MAD1L1: variants seen among roughly 807,000 people sequenced by gnomAD.
MAD1L1 encodes mitotic spindle assembly checkpoint protein MAD1.
MAD1L1 carries 95 observed loss-of-function variants against 96.9 expected under a neutral mutation model. That is an observed-to-expected ratio of 0.98 (90% confidence interval 0.83 to 1.16). The LOEUF (loss-of-function observed/expected upper bound fraction) is 1.16, where lower values mean the gene tolerates loss of function less well. MAD1L1 is among the 50% of genes most tolerant of loss of function. The probability of loss-of-function intolerance (pLI) is 0.00; values close to 1 mark genes in which losing one functional copy is unlikely to be tolerated. For synonymous variants in MAD1L1, 473 were observed against 396.6 expected, an observed-to-expected ratio of 1.19 and a Z score of -2.29; for missense variants, 1,007 against 954.4, an observed-to-expected ratio of 1.06 and a Z score of -0.73.
intron 17 of MAD1L1, 49 bp from the exon 18 acceptor site, chr7:1,898,439 G>C: frequency 4.5e-6 from 7 of 1,566,580 alleles, no homozygotes; most frequent in Non-Finnish European, 6.1e-6. Flanking sequence ...AGGCCGGAGG[G>C]GTGGGGACCC....
intron 17 of MAD1L1, among the ~76,000 whole-genome samples, chr7:1,933,420 T>G (rs947361704): frequency 6.6e-6 from 1 of 151,814 alleles, no homozygotes; most frequent in Non-Finnish European, 1.5e-5. Context: ...GTGGCGGGGG[T>G]GTGCGATCCA....
intron 17 of MAD1L1, among the ~76,000 whole-genome samples, chr7:1,933,432 G>A (rs1352470965): frequency 6.6e-6 from 1 of 152,174 alleles, no homozygotes; most frequent in Non-Finnish European, 1.5e-5. Flanking sequence ...TGCGATCCAG[G>A]CCCACACCTG....
intron 12 of MAD1L1, among the ~76,000 whole-genome samples, chr7:2,045,436 A>G (rs56087309): frequency 0.14 from 21,850 of 152,070 alleles, 3,344 homozygotes; most frequent in African/African-American, 0.38. Context: ...CTGCGTGTAC[A>G]TAGCACTATC....
intron 5 of MAD1L1, 95 bp from the exon 6 acceptor site, chr7:2,219,551 C>A: frequency 7.3e-7 from 1 of 1,375,996 alleles, no homozygotes; most frequent in Non-Finnish European, 1.0e-6. Context: ...AGAGGCGACA[C>A]CACCCACGTG....
At position 2,032,142 on chromosome 7, in the gene MAD1L1, C is replaced by T. The variant is rs964344340; in HGVS notation, c.1219-17500G>A. ...TCAGCTCCCTGACCCCTCATTCATG[C>T]GGGACGCCCGGCCCCAGTCCCTGTC... On this transcript the variant is annotated intron_variant, in intron 12 of 18. Transcript: ENST00000265854. Among the ~76,000 whole-genome samples the T allele has an allele frequency of 4.6e-5, 7 of 152,342 alleles. No homozygotes were observed. In the South Asian group the frequency reaches 1.0e-3, roughly 23 times the overall value.
intron 15 of MAD1L1, among the ~76,000 whole-genome samples, chr7:1,963,135 CTTTA>C (rs1377124184): frequency 6.6e-6 from 1 of 152,164 alleles, no homozygotes; most frequent in Admixed American, 6.5e-5. Flanking sequence ...CTACATGGGA[CTTTA>C]TTTATAATAT....
chr7:2,017,215 C>G (rs1291016582), intron 12 of MAD1L1, among the ~76,000 whole-genome samples: 1 of 152,202 alleles, frequency 6.6e-6, no homozygotes, highest in Non-Finnish European at 1.5e-5. Flanking sequence ...CGGGCAAGTC[C>G]ACTTCATTTC....
At chr7:1,929,735 A>G (rs1439391097) in intron 17 of MAD1L1, among the ~76,000 whole-genome samples, 1 of 135,094 alleles carries the variant, frequency 7.4e-6, no homozygotes, top group Non-Finnish European at 1.6e-5. Context: ...CCCCACTGCC[A>G]CGTCCCCTCG....
chr7:1,920,235 T>TGTGCGTGC (rs566408336), intron 17 of MAD1L1, among the ~76,000 whole-genome samples: 5 of 152,200 alleles, frequency 3.3e-5, no homozygotes, highest in African/African-American at 1.2e-4. Context: ...AGCATCTCCG[T>TGTGCGTGC]GTGCGTGCGT....
In MAD1L1 at chr7:2,090,112, G is replaced by A. The variant is rs868132915; in HGVS notation, c.1074-20774C>T. ...CTTCATTAGGAAGAAGTCATTCACCGCCAGGGACTCCTCACCAAACACATC... is the reference window on the plus strand; with the variant it reads ...CTTCATTAGGAAGAAGTCATTCACCACCAGGGACTCCTCACCAAACACATC... On this transcript the variant is annotated intron_variant, in intron 11 of 18. Transcript: ENST00000265854. Among the ~76,000 whole-genome samples the A allele has an allele frequency of 3.9e-5, 6 of 152,210 alleles. No homozygotes were observed. The South Asian group carries it at 6.2e-4, about 16-fold the overall frequency.
Position 2,103,308 on chromosome 7 carries a change from T to C in MAD1L1, c.1074-33970A>G, listed in dbSNP as rs1180135168. Among the ~76,000 whole-genome samples, 1 of 151,946 alleles carries C rather than the reference T, an allele frequency of 6.6e-6. No individual in the cohort carries two copies. Among genetic ancestry groups the C allele is most frequent in the Non-Finnish European group, 1.5e-5 (1 of 67,982 alleles). On this transcript the variant is annotated intron_variant, in intron 11 of 18. Transcript: ENST00000265854. The surrounding 1 kb of genome is among the most constrained non-coding windows in gnomAD (Gnocchi z 4.3). ...GCCCCGACGGGCCCTGCACACACAGTCATACCTGCGCTCCTGCACTCAGTG... is the reference window on the plus strand; with the variant it reads ...GCCCCGACGGGCCCTGCACACACAGCCATACCTGCGCTCCTGCACTCAGTG...
chr7:1,945,751 C>T (rs1162695146), intron 16 of MAD1L1, among the ~76,000 whole-genome samples: 8 of 152,206 alleles, frequency 5.3e-5, no homozygotes, highest in East Asian at 1.9e-4. Flanking sequence ...AAGGTGGCGG[C>T]GCTGGGCCGC....
intron 18 of MAD1L1, among the ~76,000 whole-genome samples, chr7:1,836,804 A>T (rs189774325): frequency 0.013 from 1,908 of 151,734 alleles, 36 homozygotes; most frequent in African/African-American, 0.043. Flanking sequence ...TGCACCATAT[A>T]AAAAAAAACT....
intron 10 of MAD1L1, among the ~76,000 whole-genome samples, chr7:2,189,312 A>G (rs1389848000): frequency 1.3e-5 from 2 of 152,256 alleles, no homozygotes; most frequent in African/African-American, 2.4e-5. Context: ...GCAGGTTGAA[A>G]GCAGGGGCTC....
chr7:1,929,233 T>C (rs1281878224), intron 17 of MAD1L1, among the ~76,000 whole-genome samples: 1 of 151,922 alleles, frequency 6.6e-6, no homozygotes, highest in Non-Finnish European at 1.5e-5. Context: ...TCCTCGCTCC[T>C]CCATCCTCCC....
intron 10 of MAD1L1, among the ~76,000 whole-genome samples, chr7:2,212,606 T>G: frequency 6.6e-6 from 1 of 152,154 alleles, no homozygotes; most frequent in African/African-American, 2.4e-5. Context: ...CTCATTCCTG[T>G]TTTTGCATTG....
At chr7:1,914,022 C>CG (rs1358989798) in intron 17 of MAD1L1, among the ~76,000 whole-genome samples, 1 of 72,604 alleles carries the variant, frequency 1.4e-5, no homozygotes, top group African/African-American at 3.3e-5. Flanking sequence ...GGCAGGTCTC[C>CG]CCCCCCAGCA....
intron 15 of MAD1L1, among the ~76,000 whole-genome samples, chr7:1,973,010 C>T (rs989829099): frequency 1.3e-5 from 2 of 152,200 alleles, no homozygotes; most frequent in African/African-American, 2.4e-5. Context: ...ACACTCAGAG[C>T]ACACAGTCTG....
intron 12 of MAD1L1, among the ~76,000 whole-genome samples, chr7:2,058,811 G>A (rs1448377179): frequency 2.5e-5 from 3 of 120,842 alleles, no homozygotes; most frequent in African/African-American, 3.2e-5. Context: ...GGGCTGGAGT[G>A]GGAGTGTGGC....
Sources: gnomAD v4.1 joint callset for allele counts (sites outside exome capture counted in the v4.1 genomes callset) on GRCh38, gnomAD v4.1.1 for gene constraint, Gnocchi (gnomAD v3.1) non-coding constraint, MANE v1.5 for transcripts, NCBI Gene and HGNC (gene_info 2026-07-23, HGNC 2026-07-21) for gene names.